Variants in FAM117B observed in about 807,000 individuals in gnomAD.
FAM117B encodes the protein family with sequence similarity 117 member B, also known as protein FAM117B.
A neutral mutation model predicts 52.8 loss-of-function variants in FAM117B; 22 were observed. That is an observed-to-expected ratio of 0.42 (90% CI 0.30 to 0.59). The LOEUF is 0.59. FAM117B is among the 20% of genes least tolerant of loss of function. The pLI, the probability that FAM117B is intolerant of heterozygous loss-of-function variation, is 0.22. For missense variants in FAM117B, 678 were observed against 802.6 expected (o/e 0.84, Z 1.88); for synonymous variants, 309 against 324.1 (o/e 0.95, Z 0.50).
intron 1 of FAM117B, among the ~76,000 whole-genome samples, chr2:202,638,031 C>T (rs1040629284): frequency 6.6e-6 from 1 of 152,112 alleles, no homozygotes; most frequent in Non-Finnish European, 1.5e-5. Flanking sequence ...CATGCGCTAC[C>T]ACGCCTGGCT....
chr2:202,731,700 G>C (rs1318985038), intron 4 of FAM117B, among the ~76,000 whole-genome samples: 1 of 152,002 alleles, frequency 6.6e-6, no homozygotes, highest in Non-Finnish European at 1.5e-5. Flanking sequence ...CAAGTGCTAG[G>C]ATTACAGACG....
chr2:202,645,048 T>G (rs1456048669), intron 1 of FAM117B, among the ~76,000 whole-genome samples: 2 of 152,222 alleles, frequency 1.3e-5, no homozygotes, highest in Non-Finnish European at 2.9e-5. Context: ...GTGGTATATC[T>G]TGGAGCACAT....
At chr2:202,707,215 AT>A (rs371933346) in intron 2 of FAM117B, among the ~76,000 whole-genome samples, 30,320 of 144,178 alleles carry the variant, frequency 0.21, 3,355 homozygotes, top group South Asian at 0.38. Flanking sequence ...CTAATTTTTA[AT>A]TTTTTTTTTT....
intron 1 of FAM117B, among the ~76,000 whole-genome samples, chr2:202,659,658 A>G (rs527490044): frequency 8.6e-6 from 1 of 116,700 alleles, no homozygotes; most frequent in South Asian, 2.8e-4. Context: ...CCTGTTGCCC[A>G]GGCTGGAGTG....
chr2:202,638,950 C>T (rs1476143547), intron 1 of FAM117B, among the ~76,000 whole-genome samples: 1 of 152,182 alleles, frequency 6.6e-6, no homozygotes, highest in Non-Finnish European at 1.5e-5. Context: ...AAAGTGTTTT[C>T]AGATTTCAGG....
In FAM117B at chr2:202,712,866, A is replaced by C. The variant is rs548607206; in HGVS notation, c.754-12051A>C. Among the ~76,000 whole-genome samples the C allele has an allele frequency of 2.0e-5, 3 of 152,356 alleles. No homozygotes were observed. The South Asian group carries it at 6.2e-4, about 32-fold the overall frequency. ...CACACTGATTTGCATTTGTTGAACC[A>C]TCCTTGCATCCCTGGGATAAATTCC... On this transcript the variant is annotated intron_variant, in intron 2 of 7. Transcript: ENST00000392238.
At chr2:202,643,665 C>G (rs1203407012) in intron 1 of FAM117B, among the ~76,000 whole-genome samples, 1 of 152,174 alleles carries the variant, frequency 6.6e-6, no homozygotes, top group African/African-American at 2.4e-5. Context: ...CAACCACTTT[C>G]AACTCTTAGA....
chr2:202,666,995 G>A (rs778172635), intron 1 of FAM117B, among the ~76,000 whole-genome samples: 21 of 151,810 alleles, frequency 1.4e-4, no homozygotes, highest in Non-Finnish European at 2.1e-4. Flanking sequence ...CTGTGTTGTA[G>A]CAGTGATTTA....
chr2:202,694,037 G>A (rs941223160), intron 1 of FAM117B, among the ~76,000 whole-genome samples: 4 of 151,930 alleles, frequency 2.6e-5, no homozygotes, highest in Non-Finnish European at 4.4e-5. Flanking sequence ...TATGGGGTAA[G>A]GGTAGTTAGA....
chr2:202,666,950 G>A (rs943948279), intron 1 of FAM117B, among the ~76,000 whole-genome samples: 8 of 150,464 alleles, frequency 5.3e-5, no homozygotes, highest in African/African-American at 1.7e-4. Flanking sequence ...CGGCCAGTAT[G>A]TTTCATTTCT....
intron 1 of FAM117B, among the ~76,000 whole-genome samples, chr2:202,674,569 G>A (rs1358567952): frequency 2.0e-5 from 3 of 152,144 alleles, no homozygotes; most frequent in Non-Finnish European, 2.9e-5. Context: ...AGGAGGACCC[G>A]GTACTACCAA....
rs114774606 is a variant in FAM117B, at chr2:202,706,919, C to T, written c.753+10887C>T. ...TAGCTTTGCCTTCCTTAGGGTAAGC[C>T]TAGGAGTCTGAGAATTTTAATTTCG... is the stretch of plus-strand genomic sequence containing the variant. On this transcript the variant is annotated intron_variant, in intron 2 of 7. Transcript: ENST00000392238. Among the ~76,000 whole-genome samples the T allele has an allele frequency of 8.5e-3, 1,286 of 152,156 alleles. 20 individuals are homozygous for T. Among genetic ancestry groups the T allele is most frequent in the African/African-American group, 0.029 (1,215 of 41,506 alleles).
At chr2:202,741,544 T>A (rs1475997493) in intron 4 of FAM117B, among the ~76,000 whole-genome samples, 1 of 129,024 alleles carries the variant, frequency 7.8e-6, no homozygotes, top group Admixed American at 7.9e-5. Context: ...GAAAAAAAAT[T>A]TTTTTTTTTT....
intron 4 of FAM117B, among the ~76,000 whole-genome samples, chr2:202,738,620 T>A (rs545430626): frequency 6.6e-6 from 1 of 152,338 alleles, no homozygotes; most frequent in Admixed American, 6.5e-5. Flanking sequence ...ATACTCTCAC[T>A]GTATAGGGAT....
intron 2 of FAM117B, among the ~76,000 whole-genome samples, chr2:202,718,539 T>C (rs1206168064): frequency 1.3e-5 from 2 of 152,224 alleles, no homozygotes; most frequent in Non-Finnish European, 2.9e-5. Flanking sequence ...CTGTGCATCC[T>C]AGGGATAAAT....
At chr2:202,701,533 A>G (rs1220311358) in intron 2 of FAM117B, among the ~76,000 whole-genome samples, 2 of 152,230 alleles carry the variant, frequency 1.3e-5, no homozygotes, top group Non-Finnish European at 2.9e-5. Flanking sequence ...GATTCCTCTG[A>G]TGGATCTGGG....
chr2:202,708,686 G>A (rs1364620458), intron 2 of FAM117B, among the ~76,000 whole-genome samples: 1 of 152,082 alleles, frequency 6.6e-6, no homozygotes, highest in African/African-American at 2.4e-5. Flanking sequence ...GCTCACTGCA[G>A]CCTCGAACTT....
intron 3 of FAM117B, 30 bp from the exon 4 acceptor site, chr2:202,726,220 C>G (rs372869909): frequency 1.3e-6 from 2 of 1,483,872 alleles, no homozygotes; most frequent in South Asian, 1.1e-5. Flanking sequence ...AGAAAACACT[C>G]TGGTGTACTT....
intron 2 of FAM117B, among the ~76,000 whole-genome samples, chr2:202,700,965 G>C (rs1690787307): frequency 6.6e-6 from 1 of 152,176 alleles, no homozygotes; most frequent in African/African-American, 2.4e-5. Context: ...CTCCCAAAGT[G>C]TTGGGATCAC....
Sources: allele counts gnomAD v4.1 joint callset (sites outside exome capture counted in the v4.1 genomes callset), GRCh38; gene constraint gnomAD v4.1.1; transcripts MANE v1.5; gene names NCBI Gene and HGNC (gene_info 2026-07-23, HGNC 2026-07-21).